Variants in ERBB4 observed in about 807,000 individuals in gnomAD.
ERBB4 encodes the protein receptor tyrosine-protein kinase erbB-4.
ERBB4 carries 42 observed loss-of-function variants against 158.0 expected under a neutral mutation model. The ratio of observed to expected loss-of-function variants is 0.27; its 90% confidence interval spans 0.21 to 0.34. ERBB4 has a LOEUF of 0.34. Among genes scored for constraint, ERBB4 ranks in the 10% least tolerant of loss-of-function variants. The pLI is 1.00. For synonymous variants in ERBB4, 583 were observed against 558.7 expected, an observed-to-expected ratio of 1.04 and a Z score of -0.61; for missense variants, 1,333 against 1,624.1, an observed-to-expected ratio of 0.82 and a Z score of 3.08.
intron 20 of ERBB4, among the ~76,000 whole-genome samples, chr2:211,454,795 G>A (rs1179352375): frequency 6.6e-6 from 1 of 152,220 alleles, no homozygotes; most frequent in African/African-American, 2.4e-5. Flanking sequence ...GGGATAACAA[G>A]CAAAGGTAAT....
At chr2:212,252,020 T>A (rs2084553994) in intron 1 of ERBB4, among the ~76,000 whole-genome samples, 1 of 151,944 alleles carries the variant, frequency 6.6e-6, no homozygotes, top group Non-Finnish European at 1.5e-5. Context: ...GGTGTTGAAA[T>A]GTGGTTGGAT....
intron 1 of ERBB4, among the ~76,000 whole-genome samples, chr2:212,336,410 A>G (rs947564231): frequency 6.6e-6 from 1 of 151,964 alleles, no homozygotes; most frequent in Non-Finnish European, 1.5e-5. Context: ...CATGAGTTCT[A>G]TATTTTTCTT....
At chr2:211,507,135 T>C (rs1183885229) in intron 20 of ERBB4, among the ~76,000 whole-genome samples, 5 of 151,878 alleles carry the variant, frequency 3.3e-5, no homozygotes, top group Non-Finnish European at 5.9e-5. Flanking sequence ...TCTGGAAACA[T>C]ACAACCTCCC....
chr2:211,944,060 A>G (rs1171780196), intron 3 of ERBB4, among the ~76,000 whole-genome samples: 1 of 128,774 alleles, frequency 7.8e-6, no homozygotes, highest in Non-Finnish European at 1.7e-5. Flanking sequence ...AACCATATAT[A>G]TATATATACA....
At chr2:211,754,081 C>T (rs1331907350) in intron 4 of ERBB4, among the ~76,000 whole-genome samples, 1 of 151,830 alleles carries the variant, frequency 6.6e-6, no homozygotes, top group African/African-American at 2.4e-5. Flanking sequence ...AGGATGGTCT[C>T]GATCTCCTGA....
chr2:211,777,811 C>T (rs2075922132), intron 4 of ERBB4: 1 of 152,172 alleles, frequency 6.6e-6, no homozygotes, highest in Non-Finnish European at 1.5e-5. Flanking sequence ...CACTTGTCAT[C>T]TCTTCTACCG....
At chr2:212,450,660 T>A (rs1187572434) in intron 1 of ERBB4, among the ~76,000 whole-genome samples, 1 of 152,112 alleles carries the variant, frequency 6.6e-6, no homozygotes, top group Non-Finnish European at 1.5e-5. Context: ...ACTATGTTCT[T>A]AGTAATTTGT....
chr2:212,349,676 C>T (rs148997660), intron 1 of ERBB4, among the ~76,000 whole-genome samples: 5 of 152,156 alleles, frequency 3.3e-5, no homozygotes, highest in African/African-American at 1.2e-4. Context: ...GCTGCAGATA[C>T]AGATATTCTT....
Position 211,892,848 on chromosome 2 carries a change from T to C in ERBB4, c.421+54582A>G, listed in dbSNP as rs565357477. ...AAATAAAATACCTAGGAATCCAACT[T>C]ACAAGGGATGTGAAGGACCTCTTCA... On this transcript the variant is annotated intron_variant, in intron 3 of 27. Coordinates refer to ENST00000342788, the MANE Select transcript of ERBB4 (RefSeq NM_005235.3). Among the ~76,000 whole-genome samples, 3 of 142,868 alleles carry C rather than the reference T, an allele frequency of 2.1e-5. No individual in the cohort carries two copies. The East Asian group carries it at 5.8e-4, about 28-fold the overall frequency. 93.7% of individuals were successfully genotyped at this position (142,868 alleles called of 152,430 possible).
chr2:211,976,136 A>G (rs1294094355), intron 2 of ERBB4, among the ~76,000 whole-genome samples: 3 of 152,178 alleles, frequency 2.0e-5, no homozygotes, highest in African/African-American at 7.2e-5. Flanking sequence ...TTACACATTT[A>G]CATAATATGT....
intron 3 of ERBB4, among the ~76,000 whole-genome samples, chr2:211,940,203 T>C (rs1310140923): frequency 6.6e-6 from 1 of 152,054 alleles, no homozygotes; most frequent in Non-Finnish European, 1.5e-5. Flanking sequence ...GAAGCTAATG[T>C]CCTGGGGTAA....
chr2:212,221,878 C>T (rs113983295), intron 1 of ERBB4, among the ~76,000 whole-genome samples: 109 of 151,470 alleles, frequency 7.2e-4, no homozygotes, highest in African/African-American at 1.9e-3. Context: ...CCTCCAAAAA[C>T]GGTTCTCTAT....
chr2:211,514,820 AT>A (rs2065981097), intron 20 of ERBB4, among the ~76,000 whole-genome samples: 1 of 152,156 alleles, frequency 6.6e-6, no homozygotes, highest in Non-Finnish European at 1.5e-5. Context: ...GAAATCCGAA[AT>A]CTGAAACATT....
intron 16 of ERBB4, among the ~76,000 whole-genome samples, chr2:211,654,926 T>G (rs1487416629): frequency 6.6e-6 from 1 of 152,162 alleles, no homozygotes; most frequent in Admixed American, 6.5e-5. Flanking sequence ...AGTCTGAGAT[T>G]ACTGGAATCT....
rs927626612 is a variant in ERBB4 at position 211,799,269 on chromosome 2, G to A, written c.422-11110C>T. ...CCACTGTAAAAATTATTTTCATATT[G>A]TCACATCTGAGGTCATAAGAGAATA... On this transcript the variant is annotated intron_variant, in intron 3 of 27. Transcript: ENST00000342788. 8.6e-5 allele frequency among the ~76,000 whole-genome samples: 13 copies of A among 152,014 alleles called. 1 individual carries two copies. Among genetic ancestry groups the A allele is most frequent in the African/African-American group, 3.1e-4 (13 of 41,378 alleles).
intron 2 of ERBB4, among the ~76,000 whole-genome samples, chr2:212,121,733 G>A (rs1218062349): frequency 1.9e-5 from 2 of 106,698 alleles, no homozygotes; most frequent in Admixed American, 1.7e-4. Context: ...AGTCACATGT[G>A]ATTTATTTGC....
rs116322816 is a variant in ERBB4, at chr2:211,498,255, C to T, written c.2487+63648G>A. 4.9e-3 allele frequency among the ~76,000 whole-genome samples: 747 copies of T among 152,168 alleles called. 8 individuals carry two copies. The highest frequency in any genetic ancestry group is 0.017 in the African/African-American group (718 of 41,542). ...AATTTGTGCTAAAGTCTTCAGTATGCCCTCTCGTTACATAGAATGAGTGTC... is the reference window on the plus strand; with the variant it reads ...AATTTGTGCTAAAGTCTTCAGTATGTCCTCTCGTTACATAGAATGAGTGTC... On this transcript the variant is annotated intron_variant, in intron 20 of 27. Coordinates refer to ENST00000342788, the MANE Select transcript of ERBB4 (RefSeq NM_005235.3).
intron 25 of ERBB4, among the ~76,000 whole-genome samples, chr2:211,394,781 C>A (rs1016143099): frequency 6.6e-6 from 1 of 151,980 alleles, no homozygotes; most frequent in Non-Finnish European, 1.5e-5. Flanking sequence ...TTTCAGGATG[C>A]AAACAATGCA....
At chr2:211,941,028 C>T (rs761779206) in intron 3 of ERBB4, among the ~76,000 whole-genome samples, 1 of 152,090 alleles carries the variant, frequency 6.6e-6, no homozygotes, top group Non-Finnish European at 1.5e-5. Flanking sequence ...TTGGAGTTCT[C>T]CTTTTTCTAG....
Sources: allele counts gnomAD v4.1 joint callset (sites outside exome capture counted in the v4.1 genomes callset), GRCh38; gene constraint gnomAD v4.1.1; transcripts MANE v1.5; gene names NCBI Gene and HGNC (gene_info 2026-07-23, HGNC 2026-07-21).